CAPN7: variants seen among roughly 807,000 people sequenced by gnomAD.
The protein encoded by CAPN7 is calpain 7.
A neutral mutation model predicts 115.2 loss-of-function variants in CAPN7; 72 were observed. The ratio of observed to expected loss-of-function variants is 0.63; its 90% CI spans 0.52 to 0.76. CAPN7 has a LOEUF of 0.76. Among genes scored for constraint, CAPN7 ranks in the 30% least tolerant of loss-of-function variants. CAPN7 has a pLI of 0.00. For missense variants in CAPN7, 905 were observed against 971.5 expected (o/e 0.93, Z 0.91); for synonymous variants, 344 against 322.3 (o/e 1.07, Z -0.72).
At chr3:15,244,802 G>C (rs1276190080) in intron 16 of CAPN7, among the ~76,000 whole-genome samples, 1 of 152,028 alleles carries the variant, frequency 6.6e-6, no homozygotes, top group Non-Finnish European at 1.5e-5. Flanking sequence ...AAGCAATTGG[G>C]GGTGTAGATA....
In CAPN7 at chr3:15,240,605, A is replaced by G. The variant is rs755363867; in HGVS notation, c.1540A>G (p.Lys514Glu). ...YLNFDPRTAQ[K>E]IDNGIFWISW... is the part of the protein sequence containing the mutation. ...AAACTTTGATCCCCGAACAGCTCAG[A>G]AAATAGACAACGGTAAATATATCTT... Residue 514 changes from lysine (K) to glutamate (E), a missense_variant, in exon 13 of 21, where the codon AAA becomes GAA. Around this residue, in one of 3 missense-constraint regions of CAPN7, gnomAD observed 620 missense variants for 703.4 expected, o/e 0.88. Coordinates refer to ENST00000253693, the MANE Select transcript of CAPN7 (RefSeq NM_014296.3). 6.3e-7 allele frequency: 1 copy of G among 1,596,718 alleles called. No homozygotes were observed. Among genetic ancestry groups the G allele is most frequent in the Non-Finnish European group, 8.5e-7 (1 of 1,175,552 alleles).
chr3:15,220,052 T>C (rs1354988475), intron 4 of CAPN7, among the ~76,000 whole-genome samples: 2 of 152,062 alleles, frequency 1.3e-5, no homozygotes, highest in African/African-American at 2.4e-5. Context: ...AATACAAAAA[T>C]TAGCCAGGCG....
rs770075114 is a variant in CAPN7, at chr3:15,229,036, T to C, written c.915T>C (p.Arg305=). The C allele has an allele frequency of 3.1e-6, 5 of 1,612,878 alleles. No homozygotes were observed. The highest frequency in any genetic ancestry group is 3.4e-6 in the Non-Finnish European group (4 of 1,179,026). Reference sequence around the variant, plus strand: ...CCATCAGTGCAGCTTATGAAAGACGTTTTAATAAGAAGTTAATTACCGGGT... The same window carrying C: ...CCATCAGTGCAGCTTATGAAAGACGCTTTAATAAGAAGTTAATTACCGGGT... ...SLAISAAYER[R]FNKKLITGII... is the part of the protein sequence containing the mutation. Residue 305 remains arginine (R), a synonymous_variant, in exon 8 of 21, where the codon CGT becomes CGC. Transcript: ENST00000253693.
chr3:15,240,922 G>A, intron 14 of CAPN7, 69 bp downstream of exon 14: 1 of 1,017,700 alleles, frequency 9.8e-7, no homozygotes. Context: ...AAACATAATG[G>A]TGCCAGGCGC....
At position 15,232,496 on chromosome 3, in the gene CAPN7, A is replaced by T. The variant is rs374614156; in HGVS notation, c.1033-23A>T. 209 of 1,577,884 alleles carry T rather than the reference A, an allele frequency of 1.3e-4. No homozygotes were observed. The African/African-American group carries it at 2.4e-3, about 18-fold the overall frequency. On this transcript the variant is annotated intron_variant, in intron 9 of 20. Coordinates refer to ENST00000253693, the MANE Select transcript of CAPN7 (RefSeq NM_014296.3). ...TTTAAGATATTTTGTGCACCTAAGA[A>T]GGTTAATGTTCTCTTTCTCCAGGTG...
rs564786879 is a variant in CAPN7 at position 15,251,010 on chromosome 3, AGTG to A, written c.2288_2290del (p.Gly763del). 9.3e-6 allele frequency: 15 copies of A among 1,612,452 alleles called. No individual in the cohort carries two copies. The highest frequency in any genetic ancestry group is 2.2e-5 in the East Asian group (1 of 44,846). On this transcript the variant is annotated inframe_deletion, in exon 20 of 21. Transcript: ENST00000253693. ...TCCCCATGGCTTTCTGAGGAAATCT[AGTG>A]GTGACTATAGGTAATGTTGGCATTT...
chr3:15,231,362 A>G (rs937599845), intron 9 of CAPN7, among the ~76,000 whole-genome samples: 4 of 151,966 alleles, frequency 2.6e-5, no homozygotes, highest in Non-Finnish European at 2.9e-5. Flanking sequence ...TGTCTAGAAT[A>G]CTCTCTGAGA....
At chr3:15,210,965 T>C in intron 1 of CAPN7, 1 of 1,130,810 alleles carries the variant, frequency 8.8e-7, no homozygotes, top group Non-Finnish European at 1.1e-6. Context: ...TTCTAGGTGG[T>C]AGCATTGGTA....
At chr3:15,239,980 A>G (rs9843807) in intron 12 of CAPN7, among the ~76,000 whole-genome samples, 3,254 of 152,344 alleles carry the variant, frequency 0.021, 132 homozygotes, top group African/African-American at 0.073. Context: ...TCTGAAAGGA[A>G]AAACTAGATT....
chr3:15,250,940 C>T lies in CAPN7; in HGVS notation c.2214C>T (p.Ser738=), dbSNP rs749362419. The T allele has an allele frequency of 5.6e-6, 9 of 1,604,728 alleles. No homozygotes were observed. In the Admixed American group the frequency reaches 8.4e-5, roughly 15 times the overall value. The change falls in exon 20 of 21, where the codon AGC becomes AGT. Residue 738 remains serine, a synonymous_variant. Coordinates refer to ENST00000253693, the MANE Select transcript of CAPN7 (RefSeq NM_014296.3). ...TCATTTTAAATGCTAGGCAATATAG[C>T]GTTGGATTTGAGGTTGTAACAGTTT... ...LIELRGPRQY[S]VGFEVVTVST...
At chr3:15,240,131 A>G (rs555635794) in intron 12 of CAPN7, among the ~76,000 whole-genome samples, 22 of 152,350 alleles carry the variant, frequency 1.4e-4, no homozygotes, top group African/African-American at 3.8e-4. Context: ...AATGTTCTGT[A>G]TCTGGGCTGC....
intron 2 of CAPN7, 70 bp downstream of exon 2, chr3:15,212,282 T>G: frequency 1.2e-6 from 1 of 809,464 alleles, no homozygotes; most frequent in South Asian, 1.9e-5. Flanking sequence ...CCCCCATGTT[T>G]GTTTCTCTTC....
intron 3 of CAPN7, among the ~76,000 whole-genome samples, chr3:15,218,174 G>T (rs1204930549): frequency 6.6e-6 from 1 of 152,200 alleles, no homozygotes; most frequent in Non-Finnish European, 1.5e-5. Flanking sequence ...GGTGCCTTGA[G>T]ACTAAATGAG....
chr3:15,221,499 C>G (rs1380782470), intron 5 of CAPN7, among the ~76,000 whole-genome samples: 1 of 151,630 alleles, frequency 6.6e-6, no homozygotes, highest in Non-Finnish European at 1.5e-5. Flanking sequence ...GGCTTTAGTT[C>G]CAGTATATTT....
intron 9 of CAPN7, among the ~76,000 whole-genome samples, chr3:15,231,184 A>C (rs554975007): frequency 6.6e-6 from 1 of 152,304 alleles, no homozygotes; most frequent in African/African-American, 2.4e-5. Flanking sequence ...ATTGCTCTGT[A>C]GTTCAGTAAT....
At position 15,251,942 on chromosome 3, in the gene CAPN7, C is replaced by G. The variant is rs962409557; in HGVS notation, c.*682C>G. On this transcript the variant is annotated 3_prime_UTR_variant, in exon 21 of 21. Coordinates refer to ENST00000253693, the MANE Select transcript of CAPN7 (RefSeq NM_014296.3). Reference sequence around the variant, plus strand: ...AGCAAGAACTTAAAGAAATTCACTACTGCAGTTTTTATTTTTAAAAAACAG... The same window carrying G: ...AGCAAGAACTTAAAGAAATTCACTAGTGCAGTTTTTATTTTTAAAAAACAG... The G allele has an allele frequency of 3.9e-5, 6 of 152,162 alleles. No individual in the cohort carries two copies. Among genetic ancestry groups the G allele is most frequent in the African/African-American group, 1.4e-4 (6 of 41,436 alleles). 9.4% of individuals were successfully genotyped at this position (152,162 alleles called of 1,614,324 possible). A position where few individuals can be genotyped will look rare whatever the true frequency, so the allele number is the denominator to read the frequency against.
chr3:15,216,087 C>CAA (rs57720852), intron 2 of CAPN7, among the ~76,000 whole-genome samples: 1 of 144,006 alleles, frequency 6.9e-6, no homozygotes, highest in African/African-American at 2.5e-5. Context: ...GATTCTGTCT[C>CAA]AAAAAAAAAA....
chr3:15,212,603 C>T (rs111414953), intron 2 of CAPN7, among the ~76,000 whole-genome samples: 1 of 152,172 alleles, frequency 6.6e-6, no homozygotes, highest in Non-Finnish European at 1.5e-5. Context: ...GCAGTAGGTT[C>T]ACAGTGTCTT....
intron 12 of CAPN7, among the ~76,000 whole-genome samples, chr3:15,237,798 C>T (rs1223766907): frequency 6.6e-6 from 1 of 151,836 alleles, no homozygotes; most frequent in Non-Finnish European, 1.5e-5. Flanking sequence ...AGCAAGACCC[C>T]ATCTCTACAA....
Sources: allele counts gnomAD v4.1 joint callset (sites outside exome capture counted in the v4.1 genomes callset), GRCh38; gene constraint gnomAD v4.1.1; regional missense constraint gnomAD v4.1.1; transcripts MANE v1.5; gene names NCBI Gene and HGNC (gene_info 2026-07-23, HGNC 2026-07-21).